The following PARD3B variants were observed in gnomAD, a reference collection of about 807,000 sequenced individuals.
The protein encoded by PARD3B is par-3 family cell polarity regulator beta.
A neutral mutation model predicts 130.2 loss-of-function variants in PARD3B; 103 were observed. That is an observed-to-expected ratio of 0.79 (90% CI 0.67 to 0.93). The LOEUF (loss-of-function observed/expected upper bound fraction) is 0.93, where lower values mean the gene tolerates loss of function less well. Ranked by LOEUF, PARD3B falls within the 40% of genes least tolerant of loss-of-function variation. The pLI, the probability that PARD3B is intolerant of heterozygous loss-of-function variation, is 0.00. For synonymous variants in PARD3B, 583 were observed against 553.2 expected, an observed-to-expected ratio of 1.05 and a Z score of -0.76; for missense variants, 1,609 against 1,499.2, an observed-to-expected ratio of 1.07 and a Z score of -1.21.
chr2:204,570,996 C>T (rs948703338), intron 1 of PARD3B, among the ~76,000 whole-genome samples: 2 of 151,330 alleles, frequency 1.3e-5, no homozygotes, highest in Non-Finnish European at 2.9e-5. Flanking sequence ...GGTGTATAAG[C>T]TGTTGTAACT....
chr2:205,210,170 A>T (rs1050074084), intron 15 of PARD3B, among the ~76,000 whole-genome samples: 2 of 152,192 alleles, frequency 1.3e-5, no homozygotes, highest in South Asian at 2.1e-4. Context: ...GTTTGAGACC[A>T]GCCTCAGCAA....
intron 21 of PARD3B, among the ~76,000 whole-genome samples, chr2:205,514,225 T>C (rs552642350): frequency 9.2e-5 from 14 of 152,118 alleles, no homozygotes; most frequent in Non-Finnish European, 1.3e-4. Context: ...GTCACTCTTA[T>C]CATTTCTAAA....
chr2:204,777,562 C>T (rs2041673104), intron 2 of PARD3B, among the ~76,000 whole-genome samples: 1 of 152,074 alleles, frequency 6.6e-6, no homozygotes, highest in Non-Finnish European at 1.5e-5. Context: ...TGAATCCAGA[C>T]TTAGAGACTG....
At chr2:204,807,420 C>G (rs7575734) in intron 2 of PARD3B, among the ~76,000 whole-genome samples, 47 of 152,054 alleles carry the variant, frequency 3.1e-4, no homozygotes, top group African/African-American at 1.1e-3. Flanking sequence ...ACAACCACTA[C>G]GGAGAACACT....
chr2:204,837,043 A>G (rs925159896), intron 2 of PARD3B, among the ~76,000 whole-genome samples: 1 of 152,190 alleles, frequency 6.6e-6, no homozygotes, highest in Non-Finnish European at 1.5e-5. Context: ...TTGATACCCA[A>G]TGAGATAGTT....
chr2:205,327,304 T>G (rs777315484), intron 18 of PARD3B, among the ~76,000 whole-genome samples: 1 of 152,228 alleles, frequency 6.6e-6, no homozygotes, highest in African/African-American at 2.4e-5. Context: ...TTCATTTTTA[T>G]CGCTAACGGG....
At chr2:205,259,094 A>C (rs1574526376) in intron 16 of PARD3B, among the ~76,000 whole-genome samples, 1 of 151,962 alleles carries the variant, frequency 6.6e-6, no homozygotes, top group Non-Finnish European at 1.5e-5. Context: ...TATGATTTCC[A>C]TTTTGTTTTC....
intron 18 of PARD3B, among the ~76,000 whole-genome samples, chr2:205,332,256 T>C (rs1157457038): frequency 6.6e-6 from 1 of 152,190 alleles, no homozygotes; most frequent in Non-Finnish European, 1.5e-5. Flanking sequence ...TAGAGAGGTG[T>C]ATATGTTGTG....
chr2:204,629,725 T>G (rs879648184), intron 1 of PARD3B, among the ~76,000 whole-genome samples: 6 of 152,192 alleles, frequency 3.9e-5, no homozygotes, highest in African/African-American at 1.4e-4. Flanking sequence ...CTTTATAATT[T>G]CAGTGCTATT....
rs2053156960 is a variant in PARD3B at position 205,562,033 on chromosome 2, T to C, written c.3260+8630T>C. On this transcript the variant is annotated intron_variant, in intron 22 of 22. Transcript: ENST00000406610. The surrounding 1 kb of genome is among the most constrained non-coding windows in gnomAD (Gnocchi z 5.4). Reference sequence around the variant, plus strand: ...GATGAATTAGCAGCGATTTAATTCTTTGTGAGATTAAGATGTCTCCATTGT... The same window carrying C: ...GATGAATTAGCAGCGATTTAATTCTCTGTGAGATTAAGATGTCTCCATTGT... 6.6e-6 allele frequency among the ~76,000 whole-genome samples: 1 copy of C among 152,144 alleles called. No individual in the cohort carries two copies. The highest frequency in any genetic ancestry group is 6.5e-5 in the Admixed American group (1 of 15,268).
chr2:205,217,378 G>A (rs2037969146), intron 15 of PARD3B, among the ~76,000 whole-genome samples: 1 of 152,200 alleles, frequency 6.6e-6, no homozygotes, highest in Non-Finnish European at 1.5e-5. Flanking sequence ...TGACAGAATT[G>A]TAGAATAAGT....
chr2:205,086,625 G>A (rs7559007), intron 4 of PARD3B, among the ~76,000 whole-genome samples: 28,604 of 152,016 alleles, frequency 0.19, 3,145 homozygotes, highest in Non-Finnish European at 0.25. Context: ...TACTTTATAC[G>A]TTTCATGACA....
At chr2:204,596,732 C>T (rs1266131253) in intron 1 of PARD3B, among the ~76,000 whole-genome samples, 1 of 152,106 alleles carries the variant, frequency 6.6e-6, no homozygotes, top group African/African-American at 2.4e-5. Flanking sequence ...AGTTCCAGAC[C>T]AGCCTGACCA....
rs967181801 is a variant in PARD3B, at chr2:205,309,129, C to G, written c.2630+7428C>G. ...ATTTTTAAACCAACTCCACATAGAG[C>G]TATAACAAAAAACTAACCCAAACTG... On this transcript the variant is annotated intron_variant, in intron 18 of 22. Transcript: ENST00000406610. The surrounding 1 kb of genome is among the most constrained non-coding windows in gnomAD (Gnocchi z 4.7). Among the ~76,000 whole-genome samples the G allele has an allele frequency of 6.6e-6, 1 of 152,164 alleles. No homozygotes were observed. The highest frequency in any genetic ancestry group is 1.5e-5 in the Non-Finnish European group (1 of 68,012).
chr2:204,668,817 T>C (rs2125200646), intron 1 of PARD3B, among the ~76,000 whole-genome samples: 1 of 152,252 alleles, frequency 6.6e-6, no homozygotes, highest in South Asian at 2.1e-4. Context: ...GAAATTAAGA[T>C]TGGTCAGTTT....
At chr2:205,131,603 G>T (rs1268595634) in intron 10 of PARD3B, among the ~76,000 whole-genome samples, 1 of 152,132 alleles carries the variant, frequency 6.6e-6, no homozygotes, top group Non-Finnish European at 1.5e-5. Context: ...TTGTTACAGG[G>T]ATTCAAAGTA....
chr2:204,773,023 A>C (rs1237692944), intron 2 of PARD3B, among the ~76,000 whole-genome samples: 3 of 152,064 alleles, frequency 2.0e-5, no homozygotes, highest in Non-Finnish European at 2.9e-5. Flanking sequence ...CAATGTTAAG[A>C]TAATTTCCCT....
Position 204,713,071 on chromosome 2 carries a change from CTTA to C in PARD3B, c.222+26793_222+26795del, listed in dbSNP as rs373528795. On this transcript the variant is annotated intron_variant, in intron 2 of 22. Coordinates refer to ENST00000406610, the MANE Select transcript of PARD3B (RefSeq NM_001302769.2). The stretch of plus-strand genomic sequence containing the variant: ...TGTTTCTAATGTGACTGTATTTGAA[CTTA>C]TTAATCCTGATTTTTGCTTCTTCCT... Among the ~76,000 whole-genome samples the C allele has an allele frequency of 4.2e-4, 64 of 152,118 alleles. No homozygotes were observed. The East Asian group carries it at 0.012, about 28-fold the overall frequency.
intron 20 of PARD3B, among the ~76,000 whole-genome samples, chr2:205,462,770 C>T (rs898104492): frequency 1.3e-5 from 2 of 152,138 alleles, no homozygotes; most frequent in Non-Finnish European, 2.9e-5. Context: ...ATAATGTATG[C>T]AATCTGGAAG....
Sources: allele counts gnomAD v4.1 joint callset (sites outside exome capture counted in the v4.1 genomes callset), GRCh38; gene constraint gnomAD v4.1.1; non-coding constraint Gnocchi (gnomAD v3.1); transcripts MANE v1.5; gene names NCBI Gene and HGNC (gene_info 2026-07-23, HGNC 2026-07-21).